The following JMJD1C variants were observed in gnomAD, a reference collection of about 807,000 sequenced individuals.
The protein encoded by JMJD1C is jumonji domain-containing protein 1C.
JMJD1C carries 31 observed loss-of-function variants against 245.3 expected under a neutral mutation model. The ratio of observed to expected loss-of-function variants is 0.13; its 90% CI spans 0.09 to 0.17. The LOEUF is 0.17. Ranked by LOEUF, JMJD1C falls within the 10% of genes least tolerant of loss-of-function variation. The pLI, the probability that JMJD1C is intolerant of heterozygous loss-of-function variation, is 1.00. For synonymous variants in JMJD1C, 1,057 were observed against 1,017.4 expected, an observed-to-expected ratio of 1.04 and a Z score of -0.74; for missense variants, 2,691 against 3,000.2, an observed-to-expected ratio of 0.90 and a Z score of 2.41.
intron 2 of JMJD1C, among the ~76,000 whole-genome samples, chr10:63,319,150 G>A (rs1940502851): frequency 1.3e-5 from 2 of 151,580 alleles, no homozygotes; most frequent in East Asian, 3.9e-4. Flanking sequence ...CCAGCTACTC[G>A]GGAGGCTGAG....
At chr10:63,417,027 G>C (rs1353728058) in intron 1 of JMJD1C, among the ~76,000 whole-genome samples, 1 of 152,164 alleles carries the variant, frequency 6.6e-6, no homozygotes, top group East Asian at 1.9e-4. Context: ...ATTACTAGGT[G>C]ACTGAGTTTA....
At chr10:63,429,341 C>T (rs939694879) in intron 1 of JMJD1C, among the ~76,000 whole-genome samples, 4 of 150,662 alleles carry the variant, frequency 2.7e-5, no homozygotes, top group Admixed American at 6.6e-5. Flanking sequence ...GATCTGAGAA[C>T]GGAAGAAGAA....
chr10:63,427,477 A>G, intron 1 of JMJD1C: 1 of 1,225,508 alleles, frequency 8.2e-7, no homozygotes, highest in Non-Finnish European at 1.2e-6. Flanking sequence ...CAAGACCAAC[A>G]GGATGTCCCA....
chr10:63,411,884 TA>T (rs1157998214), intron 1 of JMJD1C, among the ~76,000 whole-genome samples: 1 of 151,320 alleles, frequency 6.6e-6, no homozygotes. Flanking sequence ...ATTACAGGCG[TA>T]AGCCACAGCG....
chr10:63,519,562 G>T (rs1024497361), intron 1 of JMJD1C, among the ~76,000 whole-genome samples: 8 of 152,332 alleles, frequency 5.3e-5, no homozygotes, highest in Admixed American at 4.6e-4. Flanking sequence ...AGACATGGTA[G>T]AGGCAGAATG....
At chr10:63,230,523 T>C (rs1171393683) in intron 3 of JMJD1C, among the ~76,000 whole-genome samples, 1 of 152,152 alleles carries the variant, frequency 6.6e-6, no homozygotes, top group African/African-American at 2.4e-5. Context: ...AGCTAAATGT[T>C]TTGTCCATTT....
intron 1 of JMJD1C, among the ~76,000 whole-genome samples, chr10:63,500,521 G>A (rs1954512219): frequency 6.6e-6 from 1 of 151,912 alleles, no homozygotes; most frequent in Admixed American, 6.6e-5. Context: ...ATCACTTGAG[G>A]TCAGGAGTTC....
chr10:63,361,742 A>AT (rs1223252145), intron 2 of JMJD1C, among the ~76,000 whole-genome samples: 1 of 146,626 alleles, frequency 6.8e-6, no homozygotes, highest in East Asian at 2.3e-4. Flanking sequence ...AAAAAAAAAA[A>AT]AAAAAGAAAA....
At position 63,212,116 on chromosome 10, in the gene JMJD1C, A is replaced by G. The variant is rs189488696; in HGVS notation, c.2694+1357T>C. ...ATCATTCTACTCATAGAAAGTATCT[A>G]AAGTCATGAAAACCATAGAAACAGA... On this transcript the variant is annotated intron_variant, in intron 8 of 25. Transcript: ENST00000399262. Among the ~76,000 whole-genome samples, 103 of 152,174 alleles carry G rather than the reference A, an allele frequency of 6.8e-4. 1 individual carries two copies. The highest frequency in any genetic ancestry group is 2.4e-3 in the African/African-American group (98 of 41,412).
At chr10:63,519,023 G>A (rs535637479) in intron 1 of JMJD1C, among the ~76,000 whole-genome samples, 43 of 152,262 alleles carry the variant, frequency 2.8e-4, no homozygotes, top group Admixed American at 2.2e-3. Flanking sequence ...GGGAATAAAC[G>A]CTATATGGCT....
chr10:63,237,888 C>T (rs564058085), intron 3 of JMJD1C, among the ~76,000 whole-genome samples: 106 of 150,928 alleles, frequency 7.0e-4, no homozygotes, highest in African/African-American at 2.3e-3. Context: ...GAAAAAAAGG[C>T]GGCCAGGCAC....
At position 63,511,571 on chromosome 10, in the gene JMJD1C, G is replaced by A. The variant is rs187451673; in HGVS notation, n.113+10167C>T. On this transcript the variant is annotated intron_variant and non_coding_transcript_variant, in intron 1 of 3. Coordinates refer to the JMJD1C transcript ENST00000633035. ...CTAAAAATACAAAAATTAGCCGGGC[G>A]CAGTGGCAGGCGCCTGTAATCCCAG... Among the ~76,000 whole-genome samples the A allele has an allele frequency of 4.7e-4, 72 of 152,230 alleles. 1 individual carries two copies. Among genetic ancestry groups the A allele is most frequent in the African/African-American group, 1.5e-3 (61 of 41,530 alleles).
rs1847695957 is a variant in JMJD1C, at chr10:63,214,210, G to A, written c.1957C>T (p.Pro653Ser). Residue 653 changes from proline to serine, a missense_variant, in exon 8 of 26, where the codon CCT becomes TCT. Physicochemically the swap from Pro to Ser is moderately conservative, Grantham distance 74. Coordinates refer to ENST00000399262, the MANE Select transcript of JMJD1C (RefSeq NM_032776.3). ...EVVKPKITHS[P>S]DSVKSKATYV... Reference sequence around the variant, plus strand: ...GTGGCCTTAGACTTTACAGAATCAGGAGAATGAGTTATTTTGGGTTTAACA... The same window carrying A: ...GTGGCCTTAGACTTTACAGAATCAGAAGAATGAGTTATTTTGGGTTTAACA... 2.5e-6 allele frequency: 4 copies of A among 1,613,978 alleles called. No individual in the cohort carries two copies. The highest frequency in any genetic ancestry group is 3.3e-4 in the Middle Eastern group (2 of 6,062).
At chr10:63,402,205 A>C (rs1948907960) in intron 1 of JMJD1C, among the ~76,000 whole-genome samples, 1 of 152,192 alleles carries the variant, frequency 6.6e-6, no homozygotes, top group Non-Finnish European at 1.5e-5. Context: ...AAAGGGCTAA[A>C]AAATGGTCAA....
intron 2 of JMJD1C, among the ~76,000 whole-genome samples, chr10:63,331,084 G>A (rs958676838): frequency 3.3e-5 from 5 of 151,946 alleles, no homozygotes; most frequent in Admixed American, 6.6e-5. Context: ...TCTAAAATAC[G>A]TACTATCAAT....
In JMJD1C at chr10:63,269,849, T is replaced by C. The variant is rs886750214; in HGVS notation, c.334-5085A>G. Among the ~76,000 whole-genome samples the C allele has an allele frequency of 1.2e-4, 18 of 152,206 alleles. 1 individual carries two copies. Among genetic ancestry groups the C allele is most frequent in the Admixed American group, 1.1e-3 (17 of 15,280 alleles). ...TTATATAATATAGTCTCTTAACATC[T>C]ATCTAAATTCTAGAGTTCTGCTGTC... On this transcript the variant is annotated intron_variant, in intron 2 of 25. Coordinates refer to ENST00000399262, the MANE Select transcript of JMJD1C (RefSeq NM_032776.3).
intron 2 of JMJD1C, among the ~76,000 whole-genome samples, chr10:63,364,552 C>G (rs963692332): frequency 1.3e-5 from 2 of 152,194 alleles, no homozygotes; most frequent in South Asian, 2.1e-4. Flanking sequence ...CAGGCTGGAT[C>G]ACAGCTCACT....
At chr10:63,206,300 G>A (rs548514779) in intron 10 of JMJD1C, among the ~76,000 whole-genome samples, 3 of 152,224 alleles carry the variant, frequency 2.0e-5, no homozygotes, top group East Asian at 1.9e-4. Context: ...CCAAAATTAC[G>A]AGTAACTACT....
chr10:63,202,213 C>T, intron 10 of JMJD1C: 2 of 768,402 alleles, frequency 2.6e-6, no homozygotes, highest in Non-Finnish European at 3.2e-6. Context: ...GAGATCGTGC[C>T]ACTGGATTCC....
Sources: allele counts gnomAD v4.1 joint callset (sites outside exome capture counted in the v4.1 genomes callset), GRCh38; gene constraint gnomAD v4.1.1; transcripts MANE v1.5; gene names NCBI Gene and HGNC (gene_info 2026-07-23, HGNC 2026-07-21).